Variants in C1QB observed in about 807,000 individuals in gnomAD.
C1QB encodes complement C1q subcomponent subunit B.
A neutral mutation model predicts 4.6 loss-of-function variants in C1QB; 2 were observed. That is an observed-to-expected ratio of 0.43 (90% CI 0.18 to 1.36). C1QB has a LOEUF of 1.36. Ranked by LOEUF, C1QB falls within the 40% of genes most tolerant of loss-of-function variation. The pLI is 0.28. For missense variants in C1QB, 292 were observed against 338.0 expected (o/e 0.86, Z 1.07); for synonymous variants, 132 against 137.1 (o/e 0.96, Z 0.26).
intron 1 of C1QB, among the ~76,000 whole-genome samples, chr1:22,657,345 A>G (rs1315455532): frequency 6.6e-6 from 1 of 152,212 alleles, no homozygotes; most frequent in East Asian, 1.9e-4. Flanking sequence ...TAGAAGACCA[A>G]ATATATACTT....
At chr1:22,659,043 ATGG>A (rs2148304488) in intron 1 of C1QB, among the ~76,000 whole-genome samples, 2 of 60,512 alleles carry the variant, frequency 3.3e-5, no homozygotes, top group South Asian at 9.7e-4. Flanking sequence ...AGACAGATGG[ATGG>A]ATGGATGGAT....
intron 2 of C1QB, 93 bp downstream of exon 2, chr1:22,659,736 A>G: frequency 7.1e-7 from 1 of 1,417,466 alleles, no homozygotes; most frequent in Non-Finnish European, 9.7e-7. Flanking sequence ...GAGACTGCAA[A>G]AGCACTGGCA....
rs765432352 is a variant in C1QB at position 22,660,879 on chromosome 1, T to G, written c.249T>G (p.Asn83Lys). 4 of 1,613,508 alleles carry G rather than the reference T, an allele frequency of 2.5e-6. No individual in the cohort carries two copies. The South Asian group carries it at 4.4e-5, about 18-fold the overall frequency. The part of the protein sequence containing the change: ...GEKGDPGIPG[N>K]PGKVGPKGPM... ...AGGGAGACCCAGGGATTCCTGGGAA[T>G]CCAGGAAAAGTCGGCCCCAAGGGCC... The change falls in exon 3 of 3, where the codon AAT becomes AAG. Residue 83 changes from asparagine (N) to lysine (K), a missense_variant. Transcript: ENST00000509305.
In C1QB at chr1:22,658,741, C is replaced by T. The variant is rs192445708; in HGVS notation, c.-23-699C>T. Among the ~76,000 whole-genome samples, 10 of 147,446 alleles carry T rather than the reference C, an allele frequency of 6.8e-5. No individual in the cohort carries two copies. In the East Asian group the frequency reaches 1.7e-3, roughly 24 times the overall value. On this transcript the variant is annotated intron_variant, in intron 1 of 2. Transcript: ENST00000509305. ...AGGAATAGAGGGATGGATGGATGAA[C>T]GGATGGATGGATAGATGGACAGAGG...
In C1QB at chr1:22,659,639, G is replaced by C. The variant is rs760529982; in HGVS notation, c.177G>C (p.Glu59Asp). Residue 59 changes from glutamate to aspartate, a missense_variant, in exon 2 of 3, where the codon GAG (glutamate) becomes GAC (aspartate). Transcript: ENST00000509305. ...CTGGGACCCCAGGGATAAAAGGAGA[G>C]AAAGGTACCATGGGATTTAGCAGGA... ...GQPGTPGIKG[E>D]KGLPGLAGDH... 6 of 1,611,968 alleles carry C rather than the reference G, an allele frequency of 3.7e-6. No homozygotes were observed. In the South Asian group the frequency reaches 6.6e-5, roughly 18 times the overall value.
chr1:22,655,035 T>C (rs1210249008), intron 1 of C1QB, among the ~76,000 whole-genome samples: 3 of 152,218 alleles, frequency 2.0e-5, no homozygotes, highest in Non-Finnish European at 4.4e-5. Context: ...ATCAAGGTGC[T>C]TGCCCTCTCT....
chr1:22,659,718 C>T (rs1203294742), intron 2 of C1QB, 75 bp downstream of exon 2: 5 of 1,524,298 alleles, frequency 3.3e-6, no homozygotes, highest in African/African-American at 1.4e-5. Flanking sequence ...TCACAGTTGC[C>T]TACCTTTGAG....
chr1:22,656,016 G>A (rs1570094546), intron 1 of C1QB, among the ~76,000 whole-genome samples: 1 of 152,188 alleles, frequency 6.6e-6, no homozygotes, highest in East Asian at 1.9e-4. Flanking sequence ...TGGCAGAGAT[G>A]TCATTTCCTC....
chr1:22,658,956 A>AGGAT (rs1642570817), intron 1 of C1QB, among the ~76,000 whole-genome samples: 1 of 88,122 alleles, frequency 1.1e-5, no homozygotes. Context: ...GATGGAGAGG[A>AGGAT]GGATGGATGG....
At chr1:22,653,992 G>A (rs983121135) in intron 1 of C1QB, 1 of 152,360 alleles carries the variant, frequency 6.6e-6, no homozygotes, top group Non-Finnish European at 1.5e-5. Flanking sequence ...GCCTTCTCCT[G>A]TCATCCTTCT....
At chr1:22,660,358 T>C (rs1642602516) in intron 2 of C1QB, among the ~76,000 whole-genome samples, 1 of 152,144 alleles carries the variant, frequency 6.6e-6, no homozygotes, top group African/African-American at 2.4e-5. Flanking sequence ...ATCGGTCTTA[T>C]CTTGTGTTGT....
At position 22,660,829 on chromosome 1, in the gene C1QB, G is replaced by T. The variant is rs951747467; in HGVS notation, c.199G>T (p.Gly67Ter). Residue 67 changes from glycine (G) to a stop codon, truncating the protein, a stop_gained, in exon 3 of 3, where the codon GGA becomes TGA. Transcript: ENST00000509305. LOFTEE classifies it low-confidence loss of function (END_TRUNC). ...TTTTCCAGGGCTTCCAGGGCTGGCTGGAGACCATGGTGAGTTCGGAGAGAA... is the reference window on the plus strand; with the variant it reads ...TTTTCCAGGGCTTCCAGGGCTGGCTTGAGACCATGGTGAGTTCGGAGAGAA... The part of the protein sequence containing the change: ...KGEKGLPGLA[G>*]DHGEFGEKGD... The T allele has an allele frequency of 1.2e-6, 2 of 1,613,980 alleles. No individual in the cohort carries two copies. Among genetic ancestry groups the T allele is most frequent in the Non-Finnish European group, 1.7e-6 (2 of 1,179,994 alleles).
chr1:22,661,158 G>A lies in C1QB; in HGVS notation c.528G>A (p.Gly176=). The change falls in exon 3 of 3, where the codon GGG becomes GGA. Residue 176 remains glycine (G), a synonymous_variant. Transcript: ENST00000509305. The part of the protein sequence containing the change: ...YYFTYHASSR[G]NLCVNLMRGR... ...TCACCTACCACGCCAGCTCTCGAGG[G>A]AACCTGTGCGTGAACCTCATGCGTG... 6.2e-7 allele frequency: 1 copy of A among 1,614,130 alleles called. No homozygotes were observed. The highest frequency in any genetic ancestry group is 8.5e-7 in the Non-Finnish European group (1 of 1,180,010).
intron 1 of C1QB, among the ~76,000 whole-genome samples, chr1:22,656,436 G>A (rs1279845297): frequency 6.6e-6 from 1 of 152,154 alleles, no homozygotes; most frequent in South Asian, 2.1e-4. Context: ...CTACTCAGGA[G>A]GCTGAGGCAG....
Position 22,653,257 on chromosome 1 carries a change from C to G in C1QB, c.-70C>G, listed in dbSNP as rs572179721. 1.2e-4 allele frequency: 18 copies of G among 152,336 alleles called. No individual in the cohort carries two copies. Among genetic ancestry groups the G allele is most frequent in the African/African-American group, 3.6e-4 (15 of 41,574 alleles). The allele number at this position is 152,336 out of a possible 1,614,324, so 9.4% of individuals were successfully genotyped here. ...GGGCAGTAGGCTCTCGGCTCCTGGT[C>G]CCACTGCTGCTCAGCCCAGTGGCCT... On this transcript the variant is annotated 5_prime_UTR_variant, in exon 1 of 3. Coordinates refer to ENST00000509305, the MANE Select transcript of C1QB (RefSeq NM_001378156.1).
Position 22,661,058 on chromosome 1 carries a change from T to C in C1QB, c.428T>C (p.Val143Ala). The C allele has an allele frequency of 6.2e-7, 1 of 1,614,040 alleles. No homozygotes were observed. The highest frequency in any genetic ancestry group is 8.5e-7 in the Non-Finnish European group (1 of 1,179,990). The change falls in exon 3 of 3, where the codon GTG becomes GCG. Residue 143 changes from valine to alanine, a missense_variant. Val to Ala is a moderately conservative substitution (Grantham distance 64). Coordinates refer to ENST00000509305, the MANE Select transcript of C1QB (RefSeq NM_001378156.1). ...RRDQTIRFDHVITNMNNNYEP... is the reference protein window; with the variant it reads ...RRDQTIRFDHAITNMNNNYEP... ...GACCAGACCATCCGCTTCGACCACG[T>C]GATCACCAACATGAACAACAATTAT...
chr1:22,660,711 G>T, intron 2 of C1QB, 101 bp from the exon 3 acceptor site: 1 of 1,197,126 alleles, frequency 8.4e-7, no homozygotes, highest in Non-Finnish European at 1.2e-6. Context: ...ACAGATGGGA[G>T]ACTGAGGCTC....
At chr1:22,659,124 A>AGATG (rs1294830887) in intron 1 of C1QB, among the ~76,000 whole-genome samples, 12 of 137,648 alleles carry the variant, frequency 8.7e-5, no homozygotes, top group African/African-American at 3.1e-4. Context: ...ATAGAGAGAT[A>AGATG]GATGGATGGA....
chr1:22,656,162 G>T (rs897202783), intron 1 of C1QB, among the ~76,000 whole-genome samples: 3 of 152,158 alleles, frequency 2.0e-5, no homozygotes, highest in Non-Finnish European at 4.4e-5. Flanking sequence ...ACCACACGGG[G>T]GACCTTGGCA....
Sources: gnomAD v4.1 joint callset for allele counts (sites outside exome capture counted in the v4.1 genomes callset) on GRCh38, gnomAD v4.1.1 for gene constraint, MANE v1.5 for transcripts, NCBI Gene and HGNC (gene_info 2026-07-23, HGNC 2026-07-21) for gene names.